Variants in SPATA6 observed in about 807,000 individuals in gnomAD.
SPATA6 encodes spermatogenesis associated 6.
SPATA6 carries 56 observed loss-of-function variants against 65.3 expected under a neutral mutation model. That is an observed-to-expected ratio of 0.86 (90% CI 0.69 to 1.07). The LOEUF (loss-of-function observed/expected upper bound fraction) is 1.07, where lower values mean the gene tolerates loss of function less well. Among genes scored for constraint, SPATA6 ranks in the 50% least tolerant of loss-of-function variants. The pLI, the probability that SPATA6 is intolerant of heterozygous loss-of-function variation, is 0.00. For synonymous variants in SPATA6, 199 were observed against 213.2 expected, an observed-to-expected ratio of 0.93 and a Z score of 0.58; for missense variants, 590 against 594.8, an observed-to-expected ratio of 0.99 and a Z score of 0.08.
chr1:48,408,669 T>C (rs1288124060), intron 5 of SPATA6, among the ~76,000 whole-genome samples: 1 of 152,188 alleles, frequency 6.6e-6, no homozygotes, highest in Non-Finnish European at 1.5e-5. Flanking sequence ...ATGGGCAATT[T>C]ACAAAAGAAA....
rs1274076522 is a variant in SPATA6 at position 48,295,669 on chromosome 1, A to C, written c.*3044T>G. 6.6e-6 allele frequency: 1 copy of C among 152,212 alleles called. No homozygotes were observed. The highest frequency in any genetic ancestry group is 1.5e-5 in the Non-Finnish European group (1 of 68,036). The allele number at this position is 152,212 out of a possible 1,614,324, so 9.4% of individuals were successfully genotyped here. Reference sequence around the variant, plus strand: ...AATTAGTGAGTGGTTATTGTTGCACAACTCTGTGAATATAGTAAAAACCAC... The same window carrying C: ...AATTAGTGAGTGGTTATTGTTGCACCACTCTGTGAATATAGTAAAAACCAC... On this transcript the variant is annotated 3_prime_UTR_variant, in exon 13 of 13. Transcript: ENST00000371847.
chr1:48,341,038 C>A (rs1646200937), intron 11 of SPATA6, among the ~76,000 whole-genome samples: 1 of 152,096 alleles, frequency 6.6e-6, no homozygotes, highest in South Asian at 2.1e-4. Context: ...CAATTCACAC[C>A]CTGTGGAACA....
chr1:48,267,066 TATAATA>T, the SPATA6 span, among the ~76,000 whole-genome samples: 1 of 151,678 alleles, frequency 6.6e-6, no homozygotes, highest in African/African-American at 2.4e-5. Flanking sequence ...TAGTGAGCTA[TATAATA>T]ATAATAATAA....
chr1:48,313,266 A>G (rs1645282571), intron 11 of SPATA6, among the ~76,000 whole-genome samples: 1 of 152,224 alleles, frequency 6.6e-6, no homozygotes, highest in Non-Finnish European at 1.5e-5. Context: ...GTTTAAATGA[A>G]GGCAAAAATG....
intron 9 of SPATA6, among the ~76,000 whole-genome samples, chr1:48,366,424 T>C (rs980574155): frequency 1.3e-5 from 2 of 152,162 alleles, no homozygotes; most frequent in Non-Finnish European, 1.5e-5. Flanking sequence ...ATCCATCTGG[T>C]CATGGACTCT....
intron 5 of SPATA6, among the ~76,000 whole-genome samples, chr1:48,406,915 A>G (rs1177730625): frequency 1.3e-5 from 2 of 152,224 alleles, no homozygotes; most frequent in African/African-American, 2.4e-5. Context: ...CTTCAGGAGC[A>G]TAGCCTGGGA....
At chr1:48,465,166 G>C (rs760656798) in intron 1 of SPATA6, among the ~76,000 whole-genome samples, 3 of 152,188 alleles carry the variant, frequency 2.0e-5, no homozygotes, top group Non-Finnish European at 1.5e-5. Context: ...AAAGGACAAA[G>C]GATATTGGTA....
At chr1:48,264,943 A>G in the SPATA6 span, among the ~76,000 whole-genome samples, 1 of 152,228 alleles carries the variant, frequency 6.6e-6, no homozygotes. Flanking sequence ...AAATCACCAC[A>G]CTGTCTTCTA....
At chr1:48,342,951 C>T (rs560290031) in intron 11 of SPATA6, among the ~76,000 whole-genome samples, 51 of 152,256 alleles carry the variant, frequency 3.3e-4, no homozygotes, top group Admixed American at 1.2e-3. Flanking sequence ...TGAACCCCAA[C>T]GTATGAGGAG....
At chr1:48,365,755 T>G (rs1369835603) in intron 9 of SPATA6, among the ~76,000 whole-genome samples, 18 of 152,240 alleles carry the variant, frequency 1.2e-4, no homozygotes, top group Non-Finnish European at 2.9e-5. Flanking sequence ...ACAATTTGAC[T>G]TCCTCTTTCC....
chr1:48,409,181 C>A (rs1454729575), intron 5 of SPATA6, among the ~76,000 whole-genome samples: 1 of 152,184 alleles, frequency 6.6e-6, no homozygotes, highest in Non-Finnish European at 1.5e-5. Flanking sequence ...TGAGTAAATA[C>A]AACAACTCCA....
chr1:48,337,166 A>C (rs1553150025), intron 11 of SPATA6, among the ~76,000 whole-genome samples: 4 of 151,896 alleles, frequency 2.6e-5, no homozygotes, highest in Non-Finnish European at 1.5e-5. Flanking sequence ...TAGCAAATTG[A>C]AACCAGTGAT....
the SPATA6 span, among the ~76,000 whole-genome samples, chr1:48,290,081 A>T: frequency 6.6e-6 from 1 of 152,238 alleles, no homozygotes; most frequent in Non-Finnish European, 1.5e-5. Flanking sequence ...GAAGGAAAAA[A>T]TGTTAAGGGC....
intron 5 of SPATA6, among the ~76,000 whole-genome samples, chr1:48,410,903 A>C (rs922728238): frequency 6.6e-6 from 1 of 152,204 alleles, no homozygotes; most frequent in African/African-American, 2.4e-5. Flanking sequence ...GAGCCTAACC[A>C]TATCACATGG....
intron 1 of SPATA6, among the ~76,000 whole-genome samples, chr1:48,456,867 C>A (rs1003308194): frequency 3.3e-5 from 5 of 152,052 alleles, no homozygotes; most frequent in African/African-American, 9.7e-5. Context: ...AGTTTCAGAC[C>A]TGTGGGATAC....
At position 48,471,978 on chromosome 1, in the gene SPATA6, G is replaced by C; in HGVS notation, c.31C>G (p.Leu11Val). MPKVKALQCA[L>V]ALEISSVTCP... is the part of the protein sequence containing the mutation. ...CTCACTGAGCTGATCTCCAGCGCCA[G>C]GGCGCACTGCAGCGCCTTCACCTTC... Residue 11 changes from leucine (L) to valine (V), a missense_variant, in exon 1 of 13, where the codon CTG becomes GTG. Leu to Val is a conservative substitution (Grantham distance 32). Transcript: ENST00000371847. 1 of 1,601,720 alleles carries C rather than the reference G, an allele frequency of 6.2e-7. No homozygotes were observed. Among genetic ancestry groups the C allele is most frequent in the Non-Finnish European group, 8.5e-7 (1 of 1,175,876 alleles).
At chr1:48,361,596 T>G (rs1284632044) in intron 9 of SPATA6, among the ~76,000 whole-genome samples, 1 of 152,138 alleles carries the variant, frequency 6.6e-6, no homozygotes, top group African/African-American at 2.4e-5. Flanking sequence ...CTTTAAGAGT[T>G]TATGTTATAG....
intron 11 of SPATA6, among the ~76,000 whole-genome samples, chr1:48,333,895 A>G (rs1645985314): frequency 1.3e-5 from 2 of 152,104 alleles, no homozygotes; most frequent in East Asian, 3.8e-4. Flanking sequence ...CAGCTAGACA[A>G]ACAAGAAAAG....
intron 9 of SPATA6, among the ~76,000 whole-genome samples, chr1:48,367,246 G>T (rs1414960623): frequency 2.0e-5 from 3 of 152,196 alleles, no homozygotes; most frequent in Admixed American, 1.3e-4. Flanking sequence ...TAAGTGTGGT[G>T]TGGTGCTTAA....
Sources: allele counts gnomAD v4.1 joint callset (sites outside exome capture counted in the v4.1 genomes callset), GRCh38; gene constraint gnomAD v4.1.1; transcripts MANE v1.5; gene names NCBI Gene and HGNC (gene_info 2026-07-23, HGNC 2026-07-21).